Variants in NIN observed in about 807,000 individuals in gnomAD.
NIN encodes ninein.
NIN carries 137 observed loss-of-function variants against 257.6 expected under a neutral mutation model. That is an observed-to-expected ratio of 0.53 (90% CI 0.46 to 0.61). The LOEUF is 0.61. Among genes scored for constraint, NIN ranks in the 20% least tolerant of loss-of-function variants. NIN has a pLI of 0.00. For synonymous variants in NIN, 918 were observed against 919.8 expected, an observed-to-expected ratio of 1.00 and a Z score of 0.04; for missense variants, 2,439 against 2,501.2, an observed-to-expected ratio of 0.98 and a Z score of 0.53.
At chr14:50,729,404 G>T in intron 29 of NIN, 119 bp downstream of exon 29, 1 of 911,594 alleles carries the variant, frequency 1.1e-6, no homozygotes, top group Non-Finnish European at 1.6e-6. Flanking sequence ...CAAGTAGCTG[G>T]GACTACAGGT....
intron 3 of NIN, among the ~76,000 whole-genome samples, chr14:50,812,103 G>C (rs1008346540): frequency 1.3e-5 from 2 of 152,184 alleles, no homozygotes; most frequent in African/African-American, 4.8e-5. Flanking sequence ...TTGGGTGACA[G>C]AGCGAGACTC....
chr14:50,737,475 T>C (rs2140443441), intron 27 of NIN, among the ~76,000 whole-genome samples: 1 of 139,612 alleles, frequency 7.2e-6, no homozygotes, highest in Non-Finnish European at 1.5e-5. Flanking sequence ...CAAGAAATGT[T>C]GTTTTAATTT....
intron 22 of NIN, among the ~76,000 whole-genome samples, chr14:50,747,470 G>A (rs1445022013): frequency 2.6e-5 from 4 of 152,120 alleles, no homozygotes; most frequent in African/African-American, 4.8e-5. Context: ...GCAGTGGCCC[G>A]CGCCTGTAAT....
In NIN at chr14:50,766,358, C is replaced by A. The variant is rs2042487226; in HGVS notation, c.1584G>T (p.Leu528=). 7 of 1,614,042 alleles carry A rather than the reference C, an allele frequency of 4.3e-6. No homozygotes were observed. In the East Asian group the frequency reaches 1.1e-4, roughly 26 times the overall value. The change falls in exon 14 of 31, where the codon CTG becomes CTT. Residue 528 remains leucine, a synonymous_variant. Coordinates refer to ENST00000530997, the MANE Select transcript of NIN (RefSeq NM_020921.4). ...DLDPSSAEFF[L]QEERLTQMRN... Reference sequence around the variant, plus strand: ...TCATCTGTGTCAGTCTCTCTTCTTGCAGGAAGAACTCAGCACTGCTAGGAT... The same window carrying A: ...TCATCTGTGTCAGTCTCTCTTCTTGAAGGAAGAACTCAGCACTGCTAGGAT...
At position 50,744,233 on chromosome 14, in the gene NIN, C is replaced by T. The variant is rs763944435; in HGVS notation, c.5187+10G>A. 8 of 1,613,030 alleles carry T rather than the reference C, an allele frequency of 5.0e-6. 1 individual carries two copies. Among genetic ancestry groups the T allele is most frequent in the South Asian group, 2.2e-5 (2 of 91,002 alleles). On this transcript the variant is annotated intron_variant, in intron 23 of 30. Transcript: ENST00000530997. Reference sequence around the variant, plus strand: ...ATACGATGATGGTAAAGTCTTATTACTTCTACTACCTTATCGACACAGCTA... The same window carrying T: ...ATACGATGATGGTAAAGTCTTATTATTTCTACTACCTTATCGACACAGCTA...
At chr14:50,779,548 G>A (rs2043046105) in intron 5 of NIN, among the ~76,000 whole-genome samples, 1 of 152,154 alleles carries the variant, frequency 6.6e-6, no homozygotes, top group Non-Finnish European at 1.5e-5. Flanking sequence ...CACGAGGTCA[G>A]GAGATCGAGA....
chr14:50,770,420 A>G lies in NIN; in HGVS notation c.1402T>C (p.Tyr468His). 1.2e-6 allele frequency: 2 copies of G among 1,614,216 alleles called. No individual in the cohort carries two copies. The highest frequency in any genetic ancestry group is 1.7e-6 in the Non-Finnish European group (2 of 1,180,040). The stretch of plus-strand genomic sequence containing the variant: ...GAGAGGGCAAGGCGGTCCCGGATAT[A>G]GTTCTCTTCTGTTTTTGCCTTTTCA... ...EIEKAKTEEN[Y>H]IRDRLALSLK... The change falls in exon 12 of 31, where the codon TAT (tyrosine) becomes CAT (histidine). Residue 468 changes from tyrosine to histidine, a missense_variant. By Grantham distance (83) the Tyr-to-His change is moderately conservative. This residue lies in a region of NIN where 2,043 missense variants were observed against 2,050.2 expected (regional missense o/e 1.00). Transcript: ENST00000530997.
intron 6 of NIN, 119 bp downstream of exon 6, chr14:50,778,646 G>A: frequency 1.2e-6 from 1 of 833,586 alleles, no homozygotes; most frequent in Non-Finnish European, 2.0e-6. Context: ...ATTTTTTGTT[G>A]CTGTTGTTCT....
intron 3 of NIN, among the ~76,000 whole-genome samples, chr14:50,811,496 C>A (rs1263854780): frequency 6.9e-6 from 1 of 144,620 alleles, no homozygotes; most frequent in African/African-American, 2.5e-5. Flanking sequence ...GTATTTAATA[C>A]ACTCTTGTAT....
chr14:50,744,237 T>C lies in NIN; in HGVS notation c.5187+6A>G, dbSNP rs2041431185. On this transcript the variant is annotated splice_donor_region_variant and intron_variant, in intron 23 of 30. Coordinates refer to ENST00000530997, the MANE Select transcript of NIN (RefSeq NM_020921.4). ...GATGATGGTAAAGTCTTATTACTTC[T>C]ACTACCTTATCGACACAGCTATTTA... 1 of 1,613,374 alleles carries C rather than the reference T, an allele frequency of 6.2e-7. No individual in the cohort carries two copies. The highest frequency in any genetic ancestry group is 1.7e-5 in the Admixed American group (1 of 60,004).
At chr14:50,754,198 CCTTAA>C (rs1327512452) in intron 20 of NIN, among the ~76,000 whole-genome samples, 1 of 152,098 alleles carries the variant, frequency 6.6e-6, no homozygotes, top group Admixed American at 6.5e-5. Context: ...GAAATTCTGC[CCTTAA>C]CTTTCTGCTT....
chr14:50,739,905 C>A (rs2041192180), intron 25 of NIN, among the ~76,000 whole-genome samples: 1 of 152,208 alleles, frequency 6.6e-6, no homozygotes, highest in Non-Finnish European at 1.5e-5. Flanking sequence ...AAATGCACTG[C>A]CAACTCAAAA....
rs567856589 is a variant in NIN, at chr14:50,721,335, T to C, written c.*2128A>G. The stretch of plus-strand genomic sequence containing the variant: ...CATTTTATATACACATAAATACAAA[T>C]TTATAGGAAATAAACAAATTAACCT... On this transcript the variant is annotated 3_prime_UTR_variant, in exon 31 of 31. Transcript: ENST00000530997. 23 of 207,526 alleles carry C rather than the reference T, an allele frequency of 1.1e-4. No individual in the cohort carries two copies. Among genetic ancestry groups the C allele is most frequent in the African/African-American group, 5.2e-4 (23 of 44,062 alleles). The allele number at this position is 207,526 out of a possible 1,614,324, so 12.9% of individuals were successfully genotyped here.
chr14:50,747,835 T>G (rs1288476374), intron 22 of NIN, among the ~76,000 whole-genome samples, 157 bp downstream of exon 22: 1 of 152,182 alleles, frequency 6.6e-6, no homozygotes, highest in Non-Finnish European at 1.5e-5. Context: ...TTTTGCACTT[T>G]AGGTCCTCAA....
chr14:50,781,781 T>C (rs2043144429), intron 5 of NIN, among the ~76,000 whole-genome samples: 1 of 151,994 alleles, frequency 6.6e-6, no homozygotes, highest in South Asian at 2.1e-4. Flanking sequence ...CTTAGAATTG[T>C]GCCTGGCACA....
At chr14:50,764,019 C>G in intron 14 of NIN, 55 bp from the exon 15 acceptor site, 1 of 1,462,226 alleles carries the variant, frequency 6.8e-7, no homozygotes, top group Non-Finnish European at 9.5e-7. Flanking sequence ...GCATAAGCAA[C>G]AACAACAACA....
At chr14:50,756,364 A>G in intron 18 of NIN, 128 bp downstream of exon 18, 2 of 952,154 alleles carry the variant, frequency 2.1e-6, no homozygotes, top group African/African-American at 3.3e-5. Context: ...AGCAGAAGGA[A>G]GTCTAGAGAG....
At chr14:50,743,270 T>C (rs1218803048) in intron 24 of NIN, 146 bp downstream of exon 24, 13 of 598,502 alleles carry the variant, frequency 2.2e-5, no homozygotes, top group Middle Eastern at 3.6e-4. Flanking sequence ...TGCCACACTA[T>C]AAACACACAT....
chr14:50,724,551 CTCTT>C (rs1171304302), intron 30 of NIN, among the ~76,000 whole-genome samples: 2 of 152,118 alleles, frequency 1.3e-5, no homozygotes, highest in Non-Finnish European at 2.9e-5. Flanking sequence ...CTCCCTCCCT[CTCTT>C]CCTTTCCTTA....
Sources: gnomAD v4.1 joint callset for allele counts (sites outside exome capture counted in the v4.1 genomes callset) on GRCh38, gnomAD v4.1.1 for gene constraint, gnomAD v4.1.1 regional missense constraint, MANE v1.5 for transcripts, NCBI Gene and HGNC (gene_info 2026-07-23, HGNC 2026-07-21) for gene names.